MAGI3: variants seen among roughly 807,000 people sequenced by gnomAD.
MAGI3 encodes membrane associated guanylate kinase, WW and PDZ domain containing 3.
MAGI3 carries 43 observed loss-of-function variants against 121.8 expected under a neutral mutation model. The ratio of observed to expected loss-of-function variants is 0.35; its 90% confidence interval spans 0.28 to 0.46. The LOEUF (loss-of-function observed/expected upper bound fraction) is 0.46. Ranked by LOEUF, MAGI3 falls within the 20% of genes least tolerant of loss-of-function variation. MAGI3 has a pLI of 1.00. For missense variants in MAGI3, 1,547 were observed against 1,797.3 expected (o/e 0.86, Z 2.52); for synonymous variants, 553 against 639.3 (o/e 0.86, Z 2.04).
At chr1:113,587,050 T>C (rs1557837891) in intron 4 of MAGI3, among the ~76,000 whole-genome samples, 1 of 152,172 alleles carries the variant, frequency 6.6e-6, no homozygotes, top group Admixed American at 6.5e-5. Flanking sequence ...TCATAGAAAA[T>C]ATACAGGACA....
At chr1:113,664,222 C>T (rs925133072) in intron 16 of MAGI3, among the ~76,000 whole-genome samples, 4 of 152,132 alleles carry the variant, frequency 2.6e-5, no homozygotes, top group African/African-American at 4.8e-5. Context: ...TTTACAGGGG[C>T]GGTGCTTGTG....
At chr1:113,609,058 A>T (rs1481019168) in intron 6 of MAGI3, among the ~76,000 whole-genome samples, 1 of 152,162 alleles carries the variant, frequency 6.6e-6, no homozygotes, top group Non-Finnish European at 1.5e-5. Flanking sequence ...CCTTTTTAAC[A>T]TTGCCTATAC....
intron 9 of MAGI3, among the ~76,000 whole-genome samples, chr1:113,638,569 C>G (rs532927955): frequency 6.6e-6 from 1 of 152,352 alleles, no homozygotes; most frequent in South Asian, 2.1e-4. Flanking sequence ...GTGAATGCTG[C>G]TGTCTGATCG....
chr1:113,463,596 C>G (rs1234764896), intron 1 of MAGI3, among the ~76,000 whole-genome samples: 1 of 151,912 alleles, frequency 6.6e-6, no homozygotes, highest in Non-Finnish European at 1.5e-5. Context: ...AGGCTGAAAG[C>G]CTGTTTGTGA....
chr1:113,459,608 C>G (rs1212610179), intron 1 of MAGI3, among the ~76,000 whole-genome samples: 2 of 152,178 alleles, frequency 1.3e-5, no homozygotes, highest in Non-Finnish European at 2.9e-5. Context: ...TCACTACTAC[C>G]TGCCTCTTTA....
Position 113,549,787 on chromosome 1 carries a change from C to G in MAGI3, c.433+156C>G, listed in dbSNP as rs187670560. ...AAAATTGGATAAGAAGAAAAATTTT[C>G]AAAGAACTTGAGAGGTTTTGTTTTT... On this transcript the variant is annotated intron_variant, in intron 2 of 20. Coordinates refer to ENST00000307546, the MANE Select transcript of MAGI3 (RefSeq NM_001142782.2). Among the ~76,000 whole-genome samples the G allele has an allele frequency of 3.9e-5, 6 of 152,110 alleles. No homozygotes were observed. In the East Asian group the frequency reaches 1.2e-3, roughly 29 times the overall value.
At chr1:113,640,674 A>G (rs1195040686) in intron 9 of MAGI3, among the ~76,000 whole-genome samples, 3 of 151,786 alleles carry the variant, frequency 2.0e-5, no homozygotes, top group South Asian at 2.1e-4. Flanking sequence ...GAGTTGAACA[A>G]TGAGAACACA....
chr1:113,657,127 G>C (rs1296482039), intron 15 of MAGI3, among the ~76,000 whole-genome samples: 1 of 152,226 alleles, frequency 6.6e-6, no homozygotes, highest in East Asian at 1.9e-4. Context: ...CAGGCTATGA[G>C]ACAGATTTAG....
intron 9 of MAGI3, among the ~76,000 whole-genome samples, chr1:113,635,154 C>G (rs1651922598): frequency 6.6e-6 from 1 of 152,172 alleles, no homozygotes; most frequent in African/African-American, 2.4e-5. Flanking sequence ...TCTAGATATA[C>G]AATCATGTCA....
At chr1:113,448,172 A>G (rs751546215) in intron 1 of MAGI3, among the ~76,000 whole-genome samples, 12 of 152,210 alleles carry the variant, frequency 7.9e-5, no homozygotes, top group Non-Finnish European at 1.6e-4. Flanking sequence ...TAGAATAATT[A>G]TCTAGGCTGA....
At chr1:113,461,253 A>G (rs987265541) in intron 1 of MAGI3, among the ~76,000 whole-genome samples, 1 of 152,310 alleles carries the variant, frequency 6.6e-6, no homozygotes, top group East Asian at 1.9e-4. Context: ...TTACGGAACC[A>G]AAAAAGAGCC....
At chr1:113,476,525 T>A (rs1174325144) in intron 1 of MAGI3, among the ~76,000 whole-genome samples, 1 of 152,180 alleles carries the variant, frequency 6.6e-6, no homozygotes, top group Admixed American at 6.6e-5. Context: ...CATGAAGTTG[T>A]GCAGTTTTGA....
intron 6 of MAGI3, among the ~76,000 whole-genome samples, chr1:113,612,364 G>C (rs912548914): frequency 7.2e-5 from 11 of 152,042 alleles, no homozygotes; most frequent in Non-Finnish European, 1.3e-4. Flanking sequence ...TATCTCTTCT[G>C]TCTTCCTGTC....
In MAGI3 at chr1:113,651,010, T is replaced by C. The variant is rs1476344547; in HGVS notation, c.2248-4T>C. 6.2e-7 allele frequency: 1 copy of C among 1,612,436 alleles called. No individual in the cohort carries two copies. The highest frequency in any genetic ancestry group is 1.3e-5 in the African/African-American group (1 of 74,974). Reference sequence around the variant, plus strand: ...GACCAAACTGTACTTTGTTATCTTATCAGATATATATTGGGGCTATTATTC... The same window carrying C: ...GACCAAACTGTACTTTGTTATCTTACCAGATATATATTGGGGCTATTATTC... On this transcript the variant is annotated splice_region_variant and splice_polypyrimidine_tract_variant and intron_variant, in intron 13 of 20. Coordinates refer to ENST00000307546, the MANE Select transcript of MAGI3 (RefSeq NM_001142782.2).
At chr1:113,637,017 T>C (rs1570976561) in intron 9 of MAGI3, among the ~76,000 whole-genome samples, 1 of 152,352 alleles carries the variant, frequency 6.6e-6, no homozygotes, top group African/African-American at 2.4e-5. Context: ...TTTGTTGGTT[T>C]AAAGTCTGTT....
intron 2 of MAGI3, among the ~76,000 whole-genome samples, chr1:113,564,219 G>A (rs142512902): frequency 1.1e-3 from 162 of 152,296 alleles, no homozygotes; most frequent in African/African-American, 3.7e-3. Context: ...CTGATCTTAC[G>A]TGGAGTGCCA....
intron 1 of MAGI3, among the ~76,000 whole-genome samples, chr1:113,443,165 A>G (rs977050920): frequency 6.6e-6 from 1 of 152,186 alleles, no homozygotes; most frequent in Non-Finnish European, 1.5e-5. Context: ...TAATATATTA[A>G]TAATTCACAC....
chr1:113,512,183 A>G (rs1657647979), intron 1 of MAGI3, among the ~76,000 whole-genome samples: 1 of 152,246 alleles, frequency 6.6e-6, no homozygotes, highest in Admixed American at 6.5e-5. Context: ...GGGAGTCATA[A>G]TAAAGCAAAA....
At chr1:113,636,021 T>C (rs1439358778) in intron 9 of MAGI3, among the ~76,000 whole-genome samples, 5 of 152,292 alleles carry the variant, frequency 3.3e-5, no homozygotes, top group Admixed American at 3.3e-4. Context: ...CGTAGAGGTG[T>C]TTGTAGTATT....
Sources: allele counts gnomAD v4.1 joint callset (sites outside exome capture counted in the v4.1 genomes callset), GRCh38; gene constraint gnomAD v4.1.1; transcripts MANE v1.5; gene names NCBI Gene and HGNC (gene_info 2026-07-23, HGNC 2026-07-21).